Variants in RNF32 observed in about 807,000 individuals in gnomAD.
RNF32 encodes the protein ring finger protein 32.
RNF32 carries 36 observed loss-of-function variants against 41.0 expected under a neutral mutation model. The observed-to-expected ratio is 0.88, with a 90% CI of 0.67 to 1.16. The LOEUF (loss-of-function observed/expected upper bound fraction) is 1.16. Among genes scored for constraint, RNF32 ranks in the 50% most tolerant of loss-of-function variants. The pLI is 0.00. For missense variants in RNF32, 413 were observed against 436.7 expected, an observed-to-expected ratio of 0.95 and a Z score of 0.48; for synonymous variants, 154 against 160.9, an observed-to-expected ratio of 0.96 and a Z score of 0.32.
At chr7:156,650,500 C>T (rs904862410) in intron 3 of RNF32, among the ~76,000 whole-genome samples, 1 of 152,192 alleles carries the variant, frequency 6.6e-6, no homozygotes, top group Non-Finnish European at 1.5e-5. Flanking sequence ...TGATTTTAAA[C>T]ATTATTACAT....
Position 156,669,619 on chromosome 7 carries a change from G to A in RNF32, c.685-6077G>A, listed in dbSNP as rs1321880102. Reference sequence around the variant, plus strand: ...CTGAGCAGATAGGTCATTTTCAAGAGGGCGACCCACAGCCACGTGAACACT... The same window carrying A: ...CTGAGCAGATAGGTCATTTTCAAGAAGGCGACCCACAGCCACGTGAACACT... On this transcript the variant is annotated intron_variant, in intron 7 of 8. Transcript: ENST00000317955. The surrounding 1 kb of genome is among the most constrained non-coding windows in gnomAD (Gnocchi z 4.2). Among the ~76,000 whole-genome samples the A allele has an allele frequency of 6.6e-6, 1 of 152,178 alleles. No individual in the cohort carries two copies. Among genetic ancestry groups the A allele is most frequent in the African/African-American group, 2.4e-5 (1 of 41,452 alleles).
intron 3 of RNF32, among the ~76,000 whole-genome samples, chr7:156,645,551 C>T (rs566361779): frequency 6.6e-6 from 1 of 152,198 alleles, no homozygotes; most frequent in East Asian, 1.9e-4. Flanking sequence ...GACATAGCTG[C>T]AAGTGCAATC....
chr7:156,641,460 A>G (rs1404934894), intron 1 of RNF32, among the ~76,000 whole-genome samples: 1 of 152,188 alleles, frequency 6.6e-6, no homozygotes, highest in East Asian at 1.9e-4. Context: ...TTCTAACCCT[A>G]CCAGTGCCGC....
rs571621416 is a variant in RNF32 at position 156,668,174 on chromosome 7, G to A, written c.685-7522G>A. On this transcript the variant is annotated intron_variant, in intron 7 of 8. Transcript: ENST00000317955. ...TCAAGGAGATAAGCAGTGCACACAG[G>A]AAAAAGTTAACACTGGGCAGCTGAC... Among the ~76,000 whole-genome samples the A allele has an allele frequency of 8.5e-5, 13 of 152,268 alleles. No homozygotes were observed. In the South Asian group the frequency reaches 2.7e-3, roughly 32 times the overall value.
chr7:156,664,112 A>C (rs1036978479), intron 7 of RNF32, among the ~76,000 whole-genome samples: 1 of 152,254 alleles, frequency 6.6e-6, no homozygotes. Context: ...TCCAGTGCAC[A>C]CGGCACATTG....
In RNF32 at chr7:156,659,564, A is replaced by T. The variant is rs1289070412; in HGVS notation, c.684+994A>T. Reference sequence around the variant, plus strand: ...TAGGTTGTCTCTTAAATCAGAAGTGATTTTTTGTCACCTCTTATACAATTT... The same window carrying T: ...TAGGTTGTCTCTTAAATCAGAAGTGTTTTTTTGTCACCTCTTATACAATTT... On this transcript the variant is annotated intron_variant, in intron 7 of 8. Coordinates refer to ENST00000317955, the MANE Select transcript of RNF32 (RefSeq NM_030936.4). 5.1e-6 allele frequency: 5 copies of T among 979,282 alleles called. No individual in the cohort carries two copies. In the African/African-American group the frequency reaches 8.8e-5, roughly 17 times the overall value. The allele number at this position is 979,282 out of a possible 1,614,324, so 60.7% of individuals were successfully genotyped here. A position where few individuals can be genotyped will look rare whatever the true frequency, so the allele number is the denominator to read the frequency against.
At chr7:156,657,624 G>C (rs1799923060) in intron 5 of RNF32, 51 bp downstream of exon 5, 1 of 1,568,852 alleles carries the variant, frequency 6.4e-7, no homozygotes, top group African/African-American at 1.4e-5. Context: ...CGCTCTCACA[G>C]TGCAGAGAAA....
intron 3 of RNF32, among the ~76,000 whole-genome samples, chr7:156,653,091 GCACT>G (rs34334634): frequency 0.37 from 56,689 of 151,658 alleles, 11,080 homozygotes; most frequent in African/African-American, 0.49. Flanking sequence ...CACTCACTCA[GCACT>G]CACTCACTGA....
chr7:156,653,602 G>A (rs147375011), intron 3 of RNF32, among the ~76,000 whole-genome samples: 5 of 152,272 alleles, frequency 3.3e-5, no homozygotes, highest in Admixed American at 2.6e-4. Context: ...CTTGTAAGTC[G>A]ATGCTTTTTT....
At position 156,669,738 on chromosome 7, in the gene RNF32, A is replaced by G. The variant is rs888114618; in HGVS notation, c.685-5958A>G. ...GGGCAGGGCTGGGACTCCCAGGGAG[A>G]AGGGGCCATGGCTGGGCCCCTCCAG... On this transcript the variant is annotated intron_variant, in intron 7 of 8. Coordinates refer to ENST00000317955, the MANE Select transcript of RNF32 (RefSeq NM_030936.4). This position sits in a 1 kb window ranked among gnomAD's most constrained non-coding sequence, Gnocchi z 4.2. Among the ~76,000 whole-genome samples, 1 of 152,168 alleles carries G rather than the reference A, an allele frequency of 6.6e-6. No homozygotes were observed. The highest frequency in any genetic ancestry group is 1.5e-5 in the Non-Finnish European group (1 of 68,016).
intron 7 of RNF32, chr7:156,659,856 C>CA: frequency 3.1e-6 from 3 of 963,534 alleles, no homozygotes; most frequent in Non-Finnish European, 3.7e-6. Context: ...CCTTCAGCTT[C>CA]ATGGAAAAAG....
At chr7:156,676,210 C>T in intron 8 of RNF32, 2 of 1,477,508 alleles carry the variant, frequency 1.4e-6, no homozygotes, top group Non-Finnish European at 1.8e-6. Flanking sequence ...CTAACCCTTT[C>T]CACAGTTCCC....
At chr7:156,657,817 G>A (rs1453708270) in intron 5 of RNF32, 1 of 599,528 alleles carries the variant, frequency 1.7e-6, no homozygotes, top group Non-Finnish European at 3.0e-6. Flanking sequence ...GCATGTCAAA[G>A]TGACAGCTAA....
Position 156,644,705 on chromosome 7 carries a change from A to C in RNF32, c.222A>C (p.Glu74Asp). The change falls in exon 3 of 9, where the codon GAA becomes GAC. Residue 74 changes from glutamate to aspartate, a missense_variant. Glu to Asp is a conservative substitution (Grantham distance 45, BLOSUM62 2). Transcript: ENST00000317955. ...LKKTTQCPKL[E>D]DSEKEYVLDP... The stretch of plus-strand genomic sequence containing the variant: ...AAACTACACAGTGCCCCAAACTAGA[A>C]GACTCAGAAAAAGAATATGTTCTTG... The C allele has an allele frequency of 6.2e-7, 1 of 1,612,462 alleles. No homozygotes were observed. Among genetic ancestry groups the C allele is most frequent in the Non-Finnish European group, 8.5e-7 (1 of 1,179,742 alleles).
At position 156,673,618 on chromosome 7, in the gene RNF32, T is replaced by A. The variant is rs578006760; in HGVS notation, c.685-2078T>A. 2.6e-4 allele frequency among the ~76,000 whole-genome samples: 39 copies of A among 152,260 alleles called. No individual in the cohort carries two copies. In the South Asian group the frequency reaches 3.9e-3, roughly 15 times the overall value. The stretch of plus-strand genomic sequence containing the variant: ...TCCCAAAACACAGGTGCCTGGAAGA[T>A]CCTCAGCCACCCCCTTCATTCAAAC... On this transcript the variant is annotated intron_variant, in intron 7 of 8. Coordinates refer to ENST00000317955, the MANE Select transcript of RNF32 (RefSeq NM_030936.4).
At chr7:156,672,045 G>C (rs571626353) in intron 7 of RNF32, among the ~76,000 whole-genome samples, 15 of 152,188 alleles carry the variant, frequency 9.9e-5, no homozygotes, top group South Asian at 2.1e-4. Flanking sequence ...TTCTTCTGTG[G>C]AATCAAACAC....
At chr7:156,654,433 T>C (rs1163924673) in intron 3 of RNF32, 143 bp from the exon 4 acceptor site, 1 of 654,868 alleles carries the variant, frequency 1.5e-6, no homozygotes, top group East Asian at 2.8e-5. Flanking sequence ...TGGATACCAA[T>C]GGACAGCTTC....
intron 1 of RNF32, 133 bp from the exon 2 acceptor site, chr7:156,643,668 T>A: frequency 1.7e-6 from 1 of 592,438 alleles, no homozygotes; most frequent in Non-Finnish European, 3.0e-6. Flanking sequence ...CCAGAATGTG[T>A]AGCTTAGTGC....
At chr7:156,674,235 C>T (rs760747969) in intron 7 of RNF32, among the ~76,000 whole-genome samples, 7 of 152,202 alleles carry the variant, frequency 4.6e-5, no homozygotes, top group African/African-American at 7.2e-5. Context: ...CGGGAACTGT[C>T]TCCCTCTGCC....
Sources: allele counts gnomAD v4.1 joint callset (sites outside exome capture counted in the v4.1 genomes callset), GRCh38; gene constraint gnomAD v4.1.1; non-coding constraint Gnocchi (gnomAD v3.1); transcripts MANE v1.5; gene names NCBI Gene and HGNC (gene_info 2026-07-23, HGNC 2026-07-21).